MEGF8: variants seen among roughly 807,000 people sequenced by gnomAD.
MEGF8 encodes the protein multiple epidermal growth factor-like domains protein 8.
Under a neutral mutation model 302.9 loss-of-function variants are expected in MEGF8, and 156 were observed. The observed-to-expected ratio is 0.52, with a 90% confidence interval of 0.45 to 0.59. The LOEUF is 0.59. Among genes scored for constraint, MEGF8 ranks in the 20% least tolerant of loss-of-function variants. The pLI, the probability that MEGF8 is intolerant of heterozygous loss-of-function variation, is 0.00. For missense variants in MEGF8, 3,345 were observed against 3,964.5 expected, an observed-to-expected ratio of 0.84 and a Z score of 4.20; for synonymous variants, 1,621 against 1,660.5, an observed-to-expected ratio of 0.98 and a Z score of 0.58.
rs1340304593 is a variant in MEGF8 at position 42,376,982 on chromosome 19, TG to T, written c.*211del. The T allele has an allele frequency of 2.0e-6, 1 of 503,992 alleles. No individual in the cohort carries two copies. Among genetic ancestry groups the T allele is most frequent in the Non-Finnish European group, 3.3e-6 (1 of 305,936 alleles). The allele number at this position is 503,992 out of a possible 1,614,324, so 31.2% of individuals were successfully genotyped here. ...ACTCTGTCAGGCACTGTCATAGGCG[TG>T]GGGCAAAGCAGGAACCAAGAGACGA... On this transcript the variant is annotated 3_prime_UTR_variant, in exon 42 of 42. Transcript: ENST00000251268. This position sits in a 1 kb window ranked among gnomAD's most constrained non-coding sequence, Gnocchi z 8.2.
In MEGF8 at chr19:42,369,291, A is replaced by G. The variant is rs569575739; in HGVS notation, c.6642-240A>G. Among the ~76,000 whole-genome samples, 1 of 152,286 alleles carries G rather than the reference A, an allele frequency of 6.6e-6. No individual in the cohort carries two copies. Among genetic ancestry groups the G allele is most frequent in the African/African-American group, 2.4e-5 (1 of 41,550 alleles). ...GGCCAGGAGTTCGAGACCAGTCCAC[A>G]GGGAGACCCCATCTCTACAAAAAAA... On this transcript the variant is annotated intron_variant, in intron 37 of 41. Transcript: ENST00000251268. The surrounding 1 kb of genome is among the most constrained non-coding windows in gnomAD (Gnocchi z 5.7).
rs749776768 is a variant in MEGF8 at position 42,363,274 on chromosome 19, G to GGACAGGACCGT, written c.6273+13_6273+14insACAGGACCGTG. On this transcript the variant is annotated intron_variant, in intron 35 of 41. Coordinates refer to ENST00000251268, the MANE Select transcript of MEGF8 (RefSeq NM_001271938.2). ...GCAGCCTGCAGCAGGTACTGCACCT[G>GGACAGGACCGT]GCCAGGACCGTGCCAGGCAAGGGCC... is the stretch of plus-strand genomic sequence containing the variant. 1.9e-6 allele frequency: 3 copies of GGACAGGACCGT among 1,575,322 alleles called. No homozygotes were observed. The South Asian group carries it at 3.5e-5, about 18-fold the overall frequency.
chr19:42,357,300 C>A lies in MEGF8; in HGVS notation c.4831-104C>A. On this transcript the variant is annotated intron_variant, in intron 27 of 41. Coordinates refer to ENST00000251268, the MANE Select transcript of MEGF8 (RefSeq NM_001271938.2). This position sits in a 1 kb window ranked among gnomAD's most constrained non-coding sequence, Gnocchi z 5.2. ...CTGGCCCTGGGGGGGTCATTCCCTC[C>A]TTAGTACTTCAGGGAGGACTGTGGG... 2 of 1,400,306 alleles carry A rather than the reference C, an allele frequency of 1.4e-6. No individual in the cohort carries two copies. The highest frequency in any genetic ancestry group is 2.0e-6 in the Non-Finnish European group (2 of 1,023,402). The allele number at this position is 1,400,306 out of a possible 1,614,324, so 86.7% of individuals were successfully genotyped here.
intron 12 of MEGF8, among the ~76,000 whole-genome samples, chr19:42,347,861 A>G (rs2039313113): frequency 6.6e-6 from 1 of 152,012 alleles, no homozygotes; most frequent in South Asian, 2.1e-4. Flanking sequence ...GAACACTTGG[A>G]CTGTTCCACT....
intron 8 of MEGF8, among the ~76,000 whole-genome samples, chr19:42,341,637 G>T (rs1447383262): frequency 6.6e-6 from 1 of 151,988 alleles, no homozygotes. Flanking sequence ...TAGAGATAGG[G>T]TCTTGCTGTG....
At chr19:42,334,315 C>T (rs2147447269) in intron 3 of MEGF8, 102 bp downstream of exon 3, 2 of 1,072,640 alleles carry the variant, frequency 1.9e-6, no homozygotes, top group Non-Finnish European at 2.6e-6. Flanking sequence ...TGAAACTCCC[C>T]CCACCACCCC....
In MEGF8 at chr19:42,351,282, C is replaced by T. The variant is rs529287618; in HGVS notation, c.2803C>T (p.Arg935Trp). Reference sequence around the variant, plus strand: ...GGACGCGGCATGCAGCCGGCGGGGCCGGGGTCGGGGTGCCCTGAAGAGTCC... The same window carrying T: ...GGACGCGGCATGCAGCCGGCGGGGCTGGGGTCGGGGTGCCCTGAAGAGTCC... ...KGDAACSRRG[R>W]GRGALKSPEE... is the part of the protein sequence containing the mutation. Residue 935 changes from arginine (R) to tryptophan (W), a missense_variant, in exon 16 of 42, where the codon CGG becomes TGG. By Grantham distance (101) the Arg-to-Trp change is moderately radical (BLOSUM62 -3). Coordinates refer to ENST00000251268, the MANE Select transcript of MEGF8 (RefSeq NM_001271938.2). This position sits in a 1 kb window ranked among gnomAD's most constrained non-coding sequence, Gnocchi z 5.6. 2.3e-5 allele frequency: 36 copies of T among 1,569,712 alleles called. No individual in the cohort carries two copies. The highest frequency in any genetic ancestry group is 3.8e-5 in the Admixed American group (2 of 52,834).
rs1356189656 is a variant in MEGF8 at position 42,354,000 on chromosome 19, C to T, written c.3987C>T (p.Ser1329=). The T allele has an allele frequency of 1.3e-6, 2 of 1,586,298 alleles. No individual in the cohort carries two copies. The part of the protein sequence containing the change: ...TLCPPLTLTF[S]PDSSTPCTLS... The stretch of plus-strand genomic sequence containing the variant: ...GTCCCCCACTCACCCTCACCTTCTC[C>T]CCCGACAGCAGCACCCCCTGCACGG... The change falls in exon 22 of 42, where the codon TCC becomes TCT. Residue 1329 remains serine (S), a synonymous_variant. Coordinates refer to ENST00000251268, the MANE Select transcript of MEGF8 (RefSeq NM_001271938.2). The surrounding 1 kb of genome is among the most constrained non-coding windows in gnomAD (Gnocchi z 6.1).
rs367769622 is a variant in MEGF8, at chr19:42,333,786, C to T, written c.351+18C>T. The T allele has an allele frequency of 8.8e-5, 141 of 1,611,268 alleles. No homozygotes were observed. Among genetic ancestry groups the T allele is most frequent in the African/African-American group, 2.7e-4 (20 of 74,968 alleles). On this transcript the variant is annotated intron_variant, in intron 2 of 41. Transcript: ENST00000251268. ...CAGGCAAGGTTAGTGGGGATGGGGC[C>T]GTGGCAGATACACCGAGGGAAATGG...
chr19:42,375,842 A>G lies in MEGF8; in HGVS notation c.7605A>G (p.Pro2535=). The G allele has an allele frequency of 6.2e-7, 1 of 1,609,046 alleles. No homozygotes were observed. Among genetic ancestry groups the G allele is most frequent in the Non-Finnish European group, 8.5e-7 (1 of 1,178,484 alleles). ...HIQPPPAPPP[P]PPPADGGPRG... is the part of the protein sequence containing the mutation. Reference sequence around the variant, plus strand: ...AGCCACCCCCAGCCCCACCACCTCCACCACCCCCTGCAGATGGTGGGCCCC... The same window carrying G: ...AGCCACCCCCAGCCCCACCACCTCCGCCACCCCCTGCAGATGGTGGGCCCC... The change falls in exon 42 of 42, where the codon CCA becomes CCG. Residue 2535 remains proline (P), a synonymous_variant. Transcript: ENST00000251268. The surrounding 1 kb of genome is among the most constrained non-coding windows in gnomAD (Gnocchi z 7.1).
chr19:42,368,459 T>G lies in MEGF8; in HGVS notation c.6278T>G (p.Leu2093Arg). Residue 2093 changes from leucine to arginine, a missense_variant, in exon 36 of 42, where the codon CTG (leucine) becomes CGG (arginine). Leu to Arg is a moderately radical substitution (Grantham distance 102). Coordinates refer to ENST00000251268, the MANE Select transcript of MEGF8 (RefSeq NM_001271938.2). The surrounding 1 kb of genome is among the most constrained non-coding windows in gnomAD (Gnocchi z 4.9). The stretch of plus-strand genomic sequence containing the variant: ...CATCCCCTCCCCCCCATACAGTGTC[T>G]GAGCCCTTCCTACCTGCCCCTGCGA... ...CVWSSSLQQC[L>R]SPSYLPLRCM... The G allele has an allele frequency of 6.2e-7, 1 of 1,605,604 alleles. No homozygotes were observed. Among genetic ancestry groups the G allele is most frequent in the Non-Finnish European group, 8.5e-7 (1 of 1,176,484 alleles).
At position 42,375,412 on chromosome 19, in the gene MEGF8, T is replaced by C. The variant is rs1032322333; in HGVS notation, c.7270-95T>C. On this transcript the variant is annotated intron_variant, in intron 41 of 41. Transcript: ENST00000251268. This position sits in a 1 kb window ranked among gnomAD's most constrained non-coding sequence, Gnocchi z 7.1. ...GGTGAGGCCCAGGGCAATGGCTACT[T>C]AGCAGTGGGTATAGAGTATTCGTCA... 3.2e-6 allele frequency: 4 copies of C among 1,262,738 alleles called. No homozygotes were observed. The highest frequency in any genetic ancestry group is 3.0e-5 in the African/African-American group (2 of 66,146). 78.2% of individuals were successfully genotyped at this position (1,262,738 alleles called of 1,614,324 possible).
Position 42,337,066 on chromosome 19 carries a change from C to G in MEGF8, c.1391-18C>G. On this transcript the variant is annotated intron_variant, in intron 7 of 41. Transcript: ENST00000251268. ...CTCCCCTAGGCTTGCCAGCTATGCCCCTTTCCTCCATTCCCAGGGGGCAAT... is the reference window on the plus strand; with the variant it reads ...CTCCCCTAGGCTTGCCAGCTATGCCGCTTTCCTCCATTCCCAGGGGGCAAT... The G allele has an allele frequency of 1.2e-6, 2 of 1,613,686 alleles. No individual in the cohort carries two copies. Among genetic ancestry groups the G allele is most frequent in the South Asian group, 2.2e-5 (2 of 91,030 alleles).
In MEGF8 at chr19:42,333,688, G is replaced by A. The variant is rs369362097; in HGVS notation, c.271G>A (p.Gly91Ser). The A allele has an allele frequency of 9.9e-6, 16 of 1,613,836 alleles. No individual in the cohort carries two copies. Among genetic ancestry groups the A allele is most frequent in the East Asian group, 6.7e-5 (3 of 44,896 alleles). ...CTYDYLFVYD[G>S]DSPRGPLLAS... is the part of the protein sequence containing the mutation. ...GTATGACTACCTGTTCGTGTATGAC[G>A]GTGACTCCCCGCGAGGGCCGCTGCT... The change falls in exon 2 of 42, where the codon GGT becomes AGT. Residue 91 changes from glycine (G) to serine (S), a missense_variant. Transcript: ENST00000251268.
chr19:42,358,424 C>A lies in MEGF8; in HGVS notation c.5175+117C>A. 7.7e-7 allele frequency: 1 copy of A among 1,306,280 alleles called. No homozygotes were observed. Among genetic ancestry groups the A allele is most frequent in the South Asian group, 1.5e-5 (1 of 68,640 alleles). 80.9% of individuals were successfully genotyped at this position (1,306,280 alleles called of 1,614,324 possible). A position where few individuals can be genotyped will look rare whatever the true frequency, so the allele number is the denominator to read the frequency against. On this transcript the variant is annotated intron_variant, in intron 29 of 41. Transcript: ENST00000251268. This position sits in a 1 kb window ranked among gnomAD's most constrained non-coding sequence, Gnocchi z 4.4. ...TCCTGCTTCCCCTCCTTTCTATGTT[C>A]CCTAACTAAGCGACACCCCCACATC...
intron 1 of MEGF8, among the ~76,000 whole-genome samples, chr19:42,328,567 A>AGTGTGTGTGTGT (rs113567438): frequency 2.7e-5 from 4 of 146,612 alleles, no homozygotes; most frequent in African/African-American, 1.0e-4. Flanking sequence ...CAGAATAGGA[A>AGTGTGTGTGTGT]GTGTGTGTGT....
chr19:42,326,435 G>A lies in MEGF8; in HGVS notation c.187+5G>A. ...ACTGCGAGTGGCTCATCGAGGGTGA[G>A]TGGGGCCGCGTGGGTCACTCACTAA... On this transcript the variant is annotated splice_donor_5th_base_variant and intron_variant, in intron 1 of 41. Transcript: ENST00000251268. 6.6e-7 allele frequency: 1 copy of A among 1,526,614 alleles called. No individual in the cohort carries two copies. The highest frequency in any genetic ancestry group is 8.7e-7 in the Non-Finnish European group (1 of 1,143,362). The allele number at this position is 1,526,614 out of a possible 1,614,324, so 94.6% of individuals were successfully genotyped here. A position where few individuals can be genotyped will look rare whatever the true frequency, so the allele number is the denominator to read the frequency against.
Position 42,352,759 on chromosome 19 carries a change from C to G in MEGF8, c.3351-169C>G, listed in dbSNP as rs926782754. 7.8e-6 allele frequency: 5 copies of G among 644,212 alleles called. No homozygotes were observed. Among genetic ancestry groups the G allele is most frequent in the Non-Finnish European group, 1.3e-5 (5 of 373,522 alleles). The allele number at this position is 644,212 out of a possible 1,614,324, so 39.9% of individuals were successfully genotyped here. On this transcript the variant is annotated intron_variant, in intron 19 of 41. Transcript: ENST00000251268. The surrounding 1 kb of genome is among the most constrained non-coding windows in gnomAD (Gnocchi z 4.4). ...TGGTGCTATGTGGTTGCTATAGAGA[C>G]AGGCTTGGTGATGCATGGAGTTACC...
chr19:42,368,816 G>C lies in MEGF8; in HGVS notation c.6482-27G>C. On this transcript the variant is annotated intron_variant, in intron 36 of 41. Coordinates refer to ENST00000251268, the MANE Select transcript of MEGF8 (RefSeq NM_001271938.2). The surrounding 1 kb of genome is among the most constrained non-coding windows in gnomAD (Gnocchi z 4.9). ...CTGGGGCAGGTGGTACAGAGGTCCA[G>C]GTAAAATGCTATATCCCCGGTGCTA... The C allele has an allele frequency of 6.2e-7, 1 of 1,608,356 alleles. No homozygotes were observed. Among genetic ancestry groups the C allele is most frequent in the Non-Finnish European group, 8.5e-7 (1 of 1,176,932 alleles).
Sources: gnomAD v4.1 joint callset for allele counts (sites outside exome capture counted in the v4.1 genomes callset) on GRCh38, gnomAD v4.1.1 for gene constraint, Gnocchi (gnomAD v3.1) non-coding constraint, MANE v1.5 for transcripts, NCBI Gene and HGNC (gene_info 2026-07-23, HGNC 2026-07-21) for gene names.